SLC3A2: variants seen among roughly 807,000 people sequenced by gnomAD.
SLC3A2 encodes amino acid transporter heavy chain SLC3A2.
In SLC3A2, 32 loss-of-function variants were observed where a neutral mutation model predicts 48.5. The ratio of observed to expected loss-of-function variants is 0.66; its 90% confidence interval spans 0.50 to 0.89. The LOEUF is 0.89. SLC3A2 is among the 40% of genes least tolerant of loss of function. The probability of loss-of-function intolerance (pLI) is 0.00; values close to 1 mark genes in which losing one functional copy is unlikely to be tolerated. For missense variants in SLC3A2, 587 were observed against 680.7 expected (o/e 0.86, Z 1.53); for synonymous variants, 277 against 288.8 (o/e 0.96, Z 0.41).
At chr11:62,871,707 G>A (rs1459617291) in intron 1 of SLC3A2, 2 of 561,294 alleles carry the variant, frequency 3.6e-6, no homozygotes, top group African/African-American at 2.0e-5. Context: ...CTTGCTATCT[G>A]GTAGAATTTG....
At chr11:62,866,975 T>G (rs1187650575) in intron 1 of SLC3A2, among the ~76,000 whole-genome samples, 1 of 152,120 alleles carries the variant, frequency 6.6e-6, no homozygotes, top group East Asian at 1.9e-4. Context: ...ATCTGCTATT[T>G]CTTTTTTCTT....
At chr11:62,864,567 C>T (rs1011941772) in intron 1 of SLC3A2, among the ~76,000 whole-genome samples, 5 of 142,904 alleles carry the variant, frequency 3.5e-5, no homozygotes, top group South Asian at 2.2e-4. Flanking sequence ...CCCGGGTTCA[C>T]GCCATTCTCC....
intron 1 of SLC3A2, among the ~76,000 whole-genome samples, chr11:62,859,019 A>T (rs1197297224): frequency 6.6e-6 from 1 of 152,090 alleles, no homozygotes; most frequent in Non-Finnish European, 1.5e-5. Flanking sequence ...CAACTGCAAG[A>T]GGCATGCCTT....
Position 62,888,475 on chromosome 11 carries a change from C to G in SLC3A2, c.1372C>G (p.Gln458Glu). 6.2e-7 allele frequency: 1 copy of G among 1,614,232 alleles called. No individual in the cohort carries two copies. Among genetic ancestry groups the G allele is most frequent in the Non-Finnish European group, 8.5e-7 (1 of 1,180,046 alleles). ...CTTCTCCTATATCCGCCACTGGGACCAGAATGAGCGTTTTCTGGTAGTGCT... is the reference window on the plus strand; with the variant it reads ...CTTCTCCTATATCCGCCACTGGGACGAGAATGAGCGTTTTCTGGTAGTGCT... ...GLFSYIRHWDQNERFLVVLNF... is the reference protein window; with the variant it reads ...GLFSYIRHWDENERFLVVLNF... The change falls in exon 9 of 9, where the codon CAG (glutamine) becomes GAG (glutamate). Residue 458 changes from glutamine to glutamate, a missense_variant. By Grantham distance (29) the Gln-to-Glu change is conservative. This residue lies in a region of SLC3A2 where 169 missense variants were observed against 204.4 expected (regional missense o/e 0.83). Transcript: ENST00000338663.
chr11:62,888,582 C>G lies in SLC3A2; in HGVS notation c.1479C>G (p.Asp493Glu), dbSNP rs563864625. 6.2e-7 allele frequency: 1 copy of G among 1,613,748 alleles called. No homozygotes were observed. Among genetic ancestry groups the G allele is most frequent in the Middle Eastern group, 1.6e-4 (1 of 6,062 alleles). The change falls in exon 9 of 9, where the codon GAC (aspartate) becomes GAG (glutamate). Residue 493 changes from aspartate (D) to glutamate (E), a missense_variant. Asp to Glu is a conservative substitution (Grantham distance 45). Around this residue, in one of 3 missense-constraint regions of SLC3A2, gnomAD observed 169 missense variants for 204.4 expected, o/e 0.83. Coordinates refer to ENST00000338663, the MANE Select transcript of SLC3A2 (RefSeq NM_001013251.3). ...PASASLPAKA[D>E]LLLSTQPGRE... ...GCGCCAGCCTGCCAGCCAAGGCTGA[C>G]CTCCTGCTCAGCACCCAGCCAGGCC...
intron 1 of SLC3A2, chr11:62,871,660 G>T: frequency 1.6e-6 from 1 of 640,648 alleles, no homozygotes; most frequent in Admixed American, 2.4e-5. Context: ...CAAGAATGCT[G>T]AGGTTACAGG....
Position 62,888,615 on chromosome 11 carries a change from G to T in SLC3A2, c.1512G>T (p.Glu504Asp). The change falls in exon 9 of 9, where the codon GAG becomes GAT. Residue 504 changes from glutamate to aspartate, a missense_variant. By Grantham distance (45) the Glu-to-Asp change is conservative. Coordinates refer to ENST00000338663, the MANE Select transcript of SLC3A2 (RefSeq NM_001013251.3). ...LLLSTQPGRE[E>D]GSPLELERLK... Reference sequence around the variant, plus strand: ...TCAGCACCCAGCCAGGCCGTGAGGAGGGCTCCCCTCTTGAGCTGGAACGCC... The same window carrying T: ...TCAGCACCCAGCCAGGCCGTGAGGATGGCTCCCCTCTTGAGCTGGAACGCC... 6.2e-7 allele frequency: 1 copy of T among 1,611,068 alleles called. No homozygotes were observed. Among genetic ancestry groups the T allele is most frequent in the Non-Finnish European group, 8.5e-7 (1 of 1,180,026 alleles).
At chr11:62,880,677 C>T (rs749764987), upstream of SLC3A2, 7 of 234,472 alleles carry the variant, frequency 3.0e-5, no homozygotes, top group East Asian at 7.2e-4. Flanking sequence ...AAGGTGGCTC[C>T]GTGCCAGGCC....
At chr11:62,867,322 C>CTTTTTTTTTTTTTTTTTTT (rs56758000) in intron 1 of SLC3A2, among the ~76,000 whole-genome samples, 1 of 67,642 alleles carries the variant, frequency 1.5e-5, no homozygotes, top group African/African-American at 5.1e-5. Flanking sequence ...CTTTTCTTTT[C>CTTTTTTTTTTTTTTTTTTT]TTTTTTTTTT....
chr11:62,872,105 C>T (rs775890102), intron 1 of SLC3A2, among the ~76,000 whole-genome samples: 5 of 152,064 alleles, frequency 3.3e-5, no homozygotes, highest in South Asian at 2.1e-4. Flanking sequence ...TTAGTAGAGA[C>T]GGGGTTTCAC....
At chr11:62,870,843 AATAATAATAATAATTATT>A (rs1416851015) in intron 1 of SLC3A2, 9 of 103,632 alleles carry the variant, frequency 8.7e-5, no homozygotes, top group East Asian at 7.7e-4. Context: ...GATAGGTAAT[AATAATAATAATAATTATT>A]ATTATTATTA....
intron 6 of SLC3A2, 46 bp downstream of exon 6, chr11:62,885,403 GGTT>G: frequency 6.2e-7 from 1 of 1,613,902 alleles, no homozygotes; most frequent in Non-Finnish European, 8.5e-7. Flanking sequence ...GAGAAGAAAG[GGTT>G]GTTGGGAGAC....
Position 62,888,723 on chromosome 11 carries a change from C to CTCCTT in SLC3A2, c.*36_*40dup, listed in dbSNP as rs761985608. 1 of 1,526,594 alleles carries CTCCTT rather than the reference C, an allele frequency of 6.6e-7. No homozygotes were observed. The highest frequency in any genetic ancestry group is 8.8e-7 in the Non-Finnish European group (1 of 1,140,026). 94.6% of individuals were successfully genotyped at this position (1,526,594 alleles called of 1,614,324 possible). A position where few individuals can be genotyped will look rare whatever the true frequency, so the allele number is the denominator to read the frequency against. On this transcript the variant is annotated 3_prime_UTR_variant, in exon 9 of 9. Coordinates refer to ENST00000338663, the MANE Select transcript of SLC3A2 (RefSeq NM_001013251.3). Reference sequence around the variant, plus strand: ...AGCCTGACATGGACCCACTACCCTTCTCCTTTCCTTCCCAGGCCCTTTGGC... The same window carrying CTCCTT: ...AGCCTGACATGGACCCACTACCCTTCTCCTTTCCTTTCCTTCCCAGGCCCTTTGGC...
chr11:62,880,933 CG>C lies in SLC3A2; in HGVS notation c.-87del, dbSNP rs1320586614. The stretch of plus-strand genomic sequence containing the variant: ...CGAAACTGCGCGGAGGCACAGAGGC[CG>C]GGGAGAGCGTTCTGGGTCCGAGGGT... On this transcript the variant is annotated 5_prime_UTR_variant, in exon 1 of 9. Transcript: ENST00000338663. 1.4e-5 allele frequency: 21 copies of C among 1,473,668 alleles called. No individual in the cohort carries two copies. In the Admixed American group the frequency reaches 3.9e-4, roughly 27 times the overall value. The allele number at this position is 1,473,668 out of a possible 1,614,324, so 91.3% of individuals were successfully genotyped here. A position where few individuals can be genotyped will look rare whatever the true frequency, so the allele number is the denominator to read the frequency against.
intron 1 of SLC3A2, among the ~76,000 whole-genome samples, chr11:62,859,498 A>T (rs1019405042): frequency 2.0e-5 from 3 of 152,148 alleles, no homozygotes; most frequent in Non-Finnish European, 4.4e-5. Context: ...CATGGCCAAC[A>T]TGGTGAAAAC....
At chr11:62,876,872 G>A, upstream of SLC3A2, 1 of 1,044,496 alleles carries the variant, frequency 9.6e-7, no homozygotes, top group South Asian at 2.5e-5. Context: ...GAAGTGCTGG[G>A]ATTACAGGTG....
At chr11:62,859,821 G>A (rs965238670) in intron 1 of SLC3A2, among the ~76,000 whole-genome samples, 9 of 152,230 alleles carry the variant, frequency 5.9e-5, no homozygotes, top group African/African-American at 1.9e-4. Context: ...GGGTGGAGCG[G>A]CTCACGCCTG....
chr11:62,880,423 C>CA (rs1273309430), upstream of SLC3A2: 1 of 152,432 alleles, frequency 6.6e-6, no homozygotes, highest in Admixed American at 6.5e-5. Context: ...CCTGAGAGGG[C>CA]AAGCCTTGGT....
chr11:62,856,448 C>T, intron 1 of SLC3A2: 1 of 1,398,078 alleles, frequency 7.2e-7, no homozygotes, highest in South Asian at 1.2e-5. Flanking sequence ...GAAAGTATGT[C>T]AGGACGTAAG....
Sources: gnomAD v4.1 joint callset for allele counts (sites outside exome capture counted in the v4.1 genomes callset) on GRCh38, gnomAD v4.1.1 for gene constraint, gnomAD v4.1.1 regional missense constraint, MANE v1.5 for transcripts, NCBI Gene and HGNC (gene_info 2026-07-23, HGNC 2026-07-21) for gene names.